KIAA1328: variants seen among roughly 807,000 people sequenced by gnomAD.
KIAA1328 encodes the protein protein hinderin.
KIAA1328 carries 52 observed loss-of-function variants against 68.1 expected under a neutral mutation model. The ratio of observed to expected loss-of-function variants is 0.76; its 90% confidence interval spans 0.61 to 0.96. The LOEUF (loss-of-function observed/expected upper bound fraction) is 0.96. Among genes scored for constraint, KIAA1328 ranks in the 40% least tolerant of loss-of-function variants. The pLI is 0.00. For synonymous variants in KIAA1328, 232 were observed against 239.4 expected, an observed-to-expected ratio of 0.97 and a Z score of 0.28; for missense variants, 641 against 677.6, an observed-to-expected ratio of 0.95 and a Z score of 0.60.
At chr18:37,029,599 T>C (rs752049337) in intron 6 of KIAA1328, among the ~76,000 whole-genome samples, 1 of 152,118 alleles carries the variant, frequency 6.6e-6, no homozygotes, top group African/African-American at 2.4e-5. Flanking sequence ...TTTTTGAGAA[T>C]TGTTTTATGT....
Position 37,224,950 on chromosome 18 carries a change from T to C in KIAA1328, c.*2723T>C. 3 of 985,476 alleles carry C rather than the reference T, an allele frequency of 3.0e-6. No homozygotes were observed. The highest frequency in any genetic ancestry group is 3.6e-6 in the Non-Finnish European group (3 of 829,948). 61.0% of individuals were successfully genotyped at this position (985,476 alleles called of 1,614,324 possible). On this transcript the variant is annotated 3_prime_UTR_variant, in exon 10 of 10. Transcript: ENST00000280020. The stretch of plus-strand genomic sequence containing the variant: ...TGATGCAGAGAACCAAAGTGAATCA[T>C]AGAAAAGCTTTTGCTAACAGTCCGC...
At chr18:37,065,224 G>T (rs923273776) in intron 6 of KIAA1328, among the ~76,000 whole-genome samples, 91 of 152,178 alleles carry the variant, frequency 6.0e-4, no homozygotes, top group African/African-American at 1.9e-3. Context: ...AATAGAAATA[G>T]AAAATGGCAA....
At chr18:37,212,947 G>C (rs978886931) in intron 9 of KIAA1328, among the ~76,000 whole-genome samples, 3 of 152,098 alleles carry the variant, frequency 2.0e-5, no homozygotes, top group African/African-American at 7.2e-5. Flanking sequence ...TCAAACTCCT[G>C]ACATCAAGTG....
chr18:37,059,062 A>G (rs553307005), intron 6 of KIAA1328, among the ~76,000 whole-genome samples: 33 of 152,264 alleles, frequency 2.2e-4, no homozygotes, highest in Non-Finnish European at 4.0e-4. Context: ...AACAGAAGTA[A>G]CAGAGTGAGA....
intron 7 of KIAA1328, among the ~76,000 whole-genome samples, chr18:37,072,863 T>C (rs1451308769): frequency 6.6e-6 from 1 of 152,138 alleles, no homozygotes; most frequent in Non-Finnish European, 1.5e-5. Flanking sequence ...AGTGAGAACA[T>C]GCGGTATTTG....
chr18:36,856,133 G>A (rs1455184759), intron 4 of KIAA1328, among the ~76,000 whole-genome samples: 1 of 152,046 alleles, frequency 6.6e-6, no homozygotes, highest in African/African-American at 2.4e-5. Context: ...ATTTTAGACA[G>A]TTTTATTATA....
At chr18:36,997,436 A>G (rs79953919) in intron 6 of KIAA1328, among the ~76,000 whole-genome samples, 2,025 of 152,270 alleles carry the variant, frequency 0.013, 7 homozygotes, top group Non-Finnish European at 0.021. Flanking sequence ...CCAGCAGCCC[A>G]TAACTCTAGT....
chr18:36,876,562 T>C (rs2048134483), intron 4 of KIAA1328, among the ~76,000 whole-genome samples: 1 of 152,180 alleles, frequency 6.6e-6, no homozygotes, highest in African/African-American at 2.4e-5. Context: ...CATTCTTCTC[T>C]CTTTTCTTCT....
chr18:37,039,184 C>T (rs543106377), intron 6 of KIAA1328, among the ~76,000 whole-genome samples: 3 of 152,004 alleles, frequency 2.0e-5, no homozygotes, highest in South Asian at 4.1e-4. Context: ...TCTGTGAGAT[C>T]TTTGTATATT....
chr18:36,993,860 G>A (rs963485473), intron 6 of KIAA1328, among the ~76,000 whole-genome samples: 63 of 151,962 alleles, frequency 4.1e-4, no homozygotes, highest in African/African-American at 1.5e-3. Context: ...GTAGTATTGG[G>A]AGTAACAAAC....
At chr18:36,955,276 C>G (rs1441118317) in intron 5 of KIAA1328, among the ~76,000 whole-genome samples, 1 of 151,012 alleles carries the variant, frequency 6.6e-6, no homozygotes, top group Non-Finnish European at 1.5e-5. Context: ...GGATTACAGG[C>G]ACCACCACAC....
In KIAA1328 at chr18:36,829,377, A is replaced by G. The variant is rs977050512; in HGVS notation, c.58+181A>G. On this transcript the variant is annotated intron_variant, in intron 1 of 9. Transcript: ENST00000280020. ...CCCTTGCTTGGGTGTTAGGTGGCCG[A>G]GAGACTGGTACTGTCTGCAGGTGTG... 7 of 1,376,350 alleles carry G rather than the reference A, an allele frequency of 5.1e-6. No individual in the cohort carries two copies. In the African/African-American group the frequency reaches 1.1e-4, roughly 21 times the overall value. 85.3% of individuals were successfully genotyped at this position (1,376,350 alleles called of 1,614,324 possible). A position where few individuals can be genotyped will look rare whatever the true frequency, so the allele number is the denominator to read the frequency against.
At chr18:36,855,765 CTGTTT>C (rs1338240569) in intron 4 of KIAA1328, among the ~76,000 whole-genome samples, 3 of 151,214 alleles carry the variant, frequency 2.0e-5, no homozygotes, top group African/African-American at 7.3e-5. Context: ...GTGTTTTCTT[CTGTTT>C]TAACTATTAT....
At chr18:37,028,593 G>A (rs1390542127) in intron 6 of KIAA1328, among the ~76,000 whole-genome samples, 1 of 151,602 alleles carries the variant, frequency 6.6e-6, no homozygotes, top group East Asian at 1.9e-4. Flanking sequence ...GGATGTCCTT[G>A]TCTTGTTCTG....
At chr18:36,892,290 G>A (rs1186097106) in intron 5 of KIAA1328, among the ~76,000 whole-genome samples, 3 of 152,092 alleles carry the variant, frequency 2.0e-5, no homozygotes, top group Non-Finnish European at 4.4e-5. Context: ...TGGCCCTTTA[G>A]AAGAGAAGGC....
At chr18:37,163,092 C>T (rs892181492) in intron 8 of KIAA1328, among the ~76,000 whole-genome samples, 9 of 152,138 alleles carry the variant, frequency 5.9e-5, no homozygotes, top group Non-Finnish European at 1.0e-4. Flanking sequence ...TCTGGAAACA[C>T]CTGATTTTCA....
intron 7 of KIAA1328, among the ~76,000 whole-genome samples, chr18:37,158,308 A>G (rs536363389): frequency 6.6e-6 from 1 of 152,242 alleles, no homozygotes; most frequent in Admixed American, 6.5e-5. Flanking sequence ...TGAAAGAGGG[A>G]TGCATTTTCA....
At chr18:37,213,308 C>T (rs1164228725) in intron 9 of KIAA1328, among the ~76,000 whole-genome samples, 1 of 152,118 alleles carries the variant, frequency 6.6e-6, no homozygotes, top group Non-Finnish European at 1.5e-5. Context: ...CTCTCCCCAC[C>T]CCACAACAGG....
chr18:36,973,908 T>C (rs1487222760), intron 6 of KIAA1328, among the ~76,000 whole-genome samples: 2 of 152,152 alleles, frequency 1.3e-5, no homozygotes, highest in South Asian at 4.1e-4. Flanking sequence ...TACCTGGTTA[T>C]TGACCTGAAG....
Sources: allele counts gnomAD v4.1 joint callset (sites outside exome capture counted in the v4.1 genomes callset), GRCh38; gene constraint gnomAD v4.1.1; transcripts MANE v1.5; gene names NCBI Gene and HGNC (gene_info 2026-07-23, HGNC 2026-07-21).